Variants in RORA observed in about 807,000 individuals in gnomAD.
RORA encodes RAR related orphan receptor A.
Under a neutral mutation model 69.5 loss-of-function variants are expected in RORA, and 7 were observed. The observed-to-expected ratio is 0.10, with a 90% confidence interval of 0.06 to 0.19. RORA has a LOEUF of 0.19. RORA is among the 10% of genes least tolerant of loss of function. RORA has a pLI of 1.00. For missense variants in RORA, 457 were observed against 663.0 expected, an observed-to-expected ratio of 0.69 and a Z score of 3.41; for synonymous variants, 261 against 240.8, an observed-to-expected ratio of 1.08 and a Z score of -0.78.
intron 1 of RORA, among the ~76,000 whole-genome samples, chr15:60,843,535 G>A (rs570772693): frequency 6.6e-5 from 10 of 152,264 alleles, no homozygotes; most frequent in South Asian, 2.1e-4. Context: ...CTTGTTACAC[G>A]TGTCATGGTC....
intron 1 of RORA, among the ~76,000 whole-genome samples, 157 bp downstream of exon 1, chr15:61,228,896 G>A (rs2080173865): frequency 6.7e-6 from 1 of 149,698 alleles, no homozygotes; most frequent in Admixed American, 6.6e-5. Context: ...CTGGGGGGCG[G>A]AGGGGGGAGG....
chr15:60,754,787 A>T (rs986906866), intron 1 of RORA, among the ~76,000 whole-genome samples: 3 of 152,156 alleles, frequency 2.0e-5, no homozygotes, highest in African/African-American at 7.2e-5. Flanking sequence ...GAGAGGGCAA[A>T]TGACTTTCCA....
At chr15:60,910,550 T>C (rs1020549758) in intron 1 of RORA, among the ~76,000 whole-genome samples, 2 of 152,190 alleles carry the variant, frequency 1.3e-5, no homozygotes, top group Non-Finnish European at 2.9e-5. Flanking sequence ...GTTAACACCA[T>C]CTACCTCAAA....
At chr15:60,726,899 C>A (rs1200952088) in intron 1 of RORA, among the ~76,000 whole-genome samples, 1 of 152,120 alleles carries the variant, frequency 6.6e-6, no homozygotes, top group Non-Finnish European at 1.5e-5. Flanking sequence ...TTAGGAGAGG[C>A]CCTTAATCCT....
intron 1 of RORA, among the ~76,000 whole-genome samples, chr15:60,711,719 C>A (rs562743180): frequency 6.6e-6 from 1 of 152,280 alleles, no homozygotes; most frequent in South Asian, 2.1e-4. Context: ...ACCTTCAGCT[C>A]AAGGGCTTAA....
chr15:61,188,092 C>T (rs1052415674), intron 1 of RORA, among the ~76,000 whole-genome samples: 12 of 152,246 alleles, frequency 7.9e-5, no homozygotes, highest in Admixed American at 3.3e-4. Context: ...TATTCCCTGT[C>T]GTTCCCCCGA....
chr15:60,703,941 T>C (rs2071022312), intron 1 of RORA, among the ~76,000 whole-genome samples: 2 of 152,298 alleles, frequency 1.3e-5, no homozygotes, highest in South Asian at 4.2e-4. Context: ...TAACTGTGAT[T>C]GTATCTAGTA....
intron 1 of RORA, among the ~76,000 whole-genome samples, chr15:60,926,506 A>C (rs1892223305): frequency 6.6e-6 from 1 of 152,238 alleles, no homozygotes. Context: ...CAGAACATCG[A>C]ATGACATTTT....
intron 1 of RORA, among the ~76,000 whole-genome samples, chr15:61,168,747 T>C (rs1387110494): frequency 6.6e-6 from 1 of 152,158 alleles, no homozygotes; most frequent in African/African-American, 2.4e-5. Flanking sequence ...GTGGACAGTA[T>C]GCTGGGCTTG....
intron 1 of RORA, among the ~76,000 whole-genome samples, chr15:60,946,179 T>C (rs867548282): frequency 2.6e-5 from 4 of 152,248 alleles, no homozygotes; most frequent in Middle Eastern, 3.4e-3. Context: ...GTGTCCTATG[T>C]CCCATGGGAG....
intron 1 of RORA, among the ~76,000 whole-genome samples, chr15:61,063,756 G>C (rs549298161): frequency 6.6e-6 from 1 of 152,238 alleles, no homozygotes; most frequent in East Asian, 1.9e-4. Context: ...ATTAACTATT[G>C]TTATTAGAAA....
chr15:61,003,674 G>A (rs926723140), intron 1 of RORA, among the ~76,000 whole-genome samples: 1 of 152,174 alleles, frequency 6.6e-6, no homozygotes, highest in Non-Finnish European at 1.5e-5. Context: ...TCTATTTCAT[G>A]TCCTTTCAAC....
At chr15:60,785,833 G>A (rs532402799) in intron 1 of RORA, among the ~76,000 whole-genome samples, 29 of 152,270 alleles carry the variant, frequency 1.9e-4, no homozygotes, top group Admixed American at 3.3e-4. Flanking sequence ...CCTTCATTGC[G>A]TTTGTCACTG....
At chr15:60,724,153 C>G (rs1432586425) in intron 1 of RORA, among the ~76,000 whole-genome samples, 2 of 152,114 alleles carry the variant, frequency 1.3e-5, no homozygotes, top group Non-Finnish European at 2.9e-5. Context: ...TAAGCCACCT[C>G]AAATCCTCTT....
intron 2 of RORA, among the ~76,000 whole-genome samples, chr15:60,613,591 G>A (rs565521909): frequency 2.6e-5 from 4 of 152,100 alleles, no homozygotes; most frequent in East Asian, 1.9e-4. Context: ...TGCCAGGCAC[G>A]TCTGGCATTC....
intron 2 of RORA, among the ~76,000 whole-genome samples, chr15:60,578,214 A>G (rs951023567): frequency 6.6e-6 from 1 of 152,218 alleles, no homozygotes; most frequent in African/African-American, 2.4e-5. Flanking sequence ...TTATAATATC[A>G]TCCATGGGTC....
chr15:60,556,768 C>A, intron 2 of RORA: 1 of 982,914 alleles, frequency 1.0e-6, no homozygotes, highest in South Asian at 1.5e-5. Flanking sequence ...GCGGGAGGCT[C>A]CATCTTTGAT....
chr15:60,979,268 C>CTT (rs767729204), intron 1 of RORA, among the ~76,000 whole-genome samples: 10,664 of 59,618 alleles, frequency 0.18, 705 homozygotes, highest in South Asian at 0.23. Flanking sequence ...CTAGCCCTTG[C>CTT]TTTTTTTTTT....
chr15:60,492,360 A>C lies in RORA; in HGVS notation c.*5095T>G, dbSNP rs983958378. 1 of 152,178 alleles carries C rather than the reference A, an allele frequency of 6.6e-6. No homozygotes were observed. The highest frequency in any genetic ancestry group is 2.4e-5 in the African/African-American group (1 of 41,456). The allele number at this position is 152,178 out of a possible 1,614,324, so 9.4% of individuals were successfully genotyped here. ...TTGGCTCGAGTTGCTGCTGTCATAC[A>C]GGCAGGTTTTGTTTTGTCTTTAAAC... On this transcript the variant is annotated 3_prime_UTR_variant, in exon 11 of 11. Coordinates refer to ENST00000335670, the MANE Select transcript of RORA (RefSeq NM_134261.3).
Sources: allele counts gnomAD v4.1 joint callset (sites outside exome capture counted in the v4.1 genomes callset), GRCh38; gene constraint gnomAD v4.1.1; transcripts MANE v1.5; gene names NCBI Gene and HGNC (gene_info 2026-07-23, HGNC 2026-07-21).